The following HNRNPK variants were observed in gnomAD, a reference collection of about 807,000 sequenced individuals.
HNRNPK encodes the protein dC-stretch binding protein.
A neutral mutation model predicts 67.0 loss-of-function variants in HNRNPK; 7 were observed. That is an observed-to-expected ratio of 0.10 (90% CI 0.06 to 0.20). The LOEUF (loss-of-function observed/expected upper bound fraction) is 0.20, where lower values mean the gene tolerates loss of function less well. HNRNPK is among the 10% of genes least tolerant of loss of function. HNRNPK has a pLI of 1.00. For synonymous variants in HNRNPK, 213 were observed against 193.7 expected, an observed-to-expected ratio of 1.10 and a Z score of -0.83; for missense variants, 264 against 606.5, an observed-to-expected ratio of 0.44 and a Z score of 5.93.
chr9:83,973,192 A>T, intron 9 of HNRNPK, 94 bp downstream of exon 9: 1 of 831,602 alleles, frequency 1.2e-6, no homozygotes, highest in Non-Finnish European at 2.0e-6. Flanking sequence ...CTTTGGAGGG[A>T]ACTGAGAGGG....
rs752634284 is a variant in HNRNPK at position 83,971,253 on chromosome 9, G to A, written c.1092+20C>T. On this transcript the variant is annotated intron_variant, in intron 13 of 16. Coordinates refer to ENST00000376263, the MANE Select transcript of HNRNPK (RefSeq NM_031263.4). ...CTTAAATTATCACTGATATACACACGAACAACTATGATACTCAACCTGTGG... is the reference window on the plus strand; with the variant it reads ...CTTAAATTATCACTGATATACACACAAACAACTATGATACTCAACCTGTGG... 79 of 1,501,878 alleles carry A rather than the reference G, an allele frequency of 5.3e-5. No homozygotes were observed. The highest frequency in any genetic ancestry group is 9.6e-5 in the African/African-American group (7 of 72,652). 93.0% of individuals were successfully genotyped at this position (1,501,878 alleles called of 1,614,324 possible).
intron 1 of HNRNPK, among the ~76,000 whole-genome samples, chr9:83,979,690 C>T (rs1198435544): frequency 6.6e-6 from 1 of 152,090 alleles, no homozygotes; most frequent in Non-Finnish European, 1.5e-5. Context: ...CCCCCTCCCC[C>T]ACCCACCACG....
intron 5 of HNRNPK, chr9:83,975,864 T>C (rs1957043328): frequency 4.1e-6 from 1 of 241,526 alleles, no homozygotes; most frequent in Non-Finnish European, 8.2e-6. Flanking sequence ...TGGCTTAACA[T>C]TAAGGACCTC....
rs1205919212 is a variant in HNRNPK, at chr9:83,971,872, A to G, written c.953+10T>C. On this transcript the variant is annotated intron_variant, in intron 11 of 16. Transcript: ENST00000376263. Reference sequence around the variant, plus strand: ...AAGAAAAAACAACAACAACAAAAAAAACAACTTACCCCCCTCTAGGTGGTG... The same window carrying G: ...AAGAAAAAACAACAACAACAAAAAAGACAACTTACCCCCCTCTAGGTGGTG... 6.4e-7 allele frequency: 1 copy of G among 1,555,228 alleles called. No individual in the cohort carries two copies. The highest frequency in any genetic ancestry group is 1.2e-5 in the South Asian group (1 of 81,942).
chr9:83,978,630 G>C (rs575501578), intron 1 of HNRNPK, among the ~76,000 whole-genome samples, 178 bp from the exon 2 acceptor site: 115 of 152,284 alleles, frequency 7.6e-4, no homozygotes, highest in Non-Finnish European at 1.2e-3. Context: ...ATTCAAGGGA[G>C]CCTGGTTTCA....
intron 4 of HNRNPK, among the ~76,000 whole-genome samples, 155 bp downstream of exon 4, chr9:83,977,534 A>G (rs1957126609): frequency 1.3e-5 from 2 of 152,200 alleles, no homozygotes; most frequent in African/African-American, 4.8e-5. Flanking sequence ...TTAGTGGAAT[A>G]AGAAAACCAC....
In HNRNPK at chr9:83,969,097, T is replaced by G; in HGVS notation, c.*310A>C. On this transcript the variant is annotated 3_prime_UTR_variant, in exon 17 of 17. Coordinates refer to ENST00000376263, the MANE Select transcript of HNRNPK (RefSeq NM_031263.4). The stretch of plus-strand genomic sequence containing the variant: ...ACAATAATTACATGGGGGGAATTTT[T>G]TAAACCACCAACAATAACGAAAAAT... The G allele has an allele frequency of 2.0e-6, 1 of 503,826 alleles. No individual in the cohort carries two copies. Among genetic ancestry groups the G allele is most frequent in the Non-Finnish European group, 3.5e-6 (1 of 284,686 alleles). 31.2% of individuals were successfully genotyped at this position (503,826 alleles called of 1,614,324 possible).
chr9:83,979,017 A>G (rs1182669673), intron 1 of HNRNPK, among the ~76,000 whole-genome samples: 1 of 152,230 alleles, frequency 6.6e-6, no homozygotes, highest in Non-Finnish European at 1.5e-5. Context: ...CAGCGAAACA[A>G]ATGGAGCCCT....
intron 1 of HNRNPK, among the ~76,000 whole-genome samples, chr9:83,979,082 CACA>C (rs1438201727): frequency 6.6e-6 from 1 of 152,202 alleles, no homozygotes; most frequent in African/African-American, 2.4e-5. Flanking sequence ...GGGAGTACAA[CACA>C]ACAATCATGC....
At chr9:83,980,590 C>G (rs1452508423), upstream of HNRNPK, 1 of 152,936 alleles carries the variant, frequency 6.5e-6, no homozygotes, top group African/African-American at 2.4e-5. Context: ...GCAGTGCTGT[C>G]GCCTGGAGCG....
intron 7 of HNRNPK, 105 bp downstream of exon 7, chr9:83,974,412 G>A (rs1466941809): frequency 3.5e-6 from 2 of 575,548 alleles, no homozygotes; most frequent in East Asian, 2.9e-5. Flanking sequence ...GCTACAAACT[G>A]TCATATCCAT....
chr9:83,972,234 T>C, intron 10 of HNRNPK, 45 bp from the exon 11 acceptor site: 1 of 1,387,760 alleles, frequency 7.2e-7, no homozygotes, highest in Non-Finnish European at 9.9e-7. Flanking sequence ...AGAAAAAGAG[T>C]CCTGCTTCAT....
rs780740036 is a variant in HNRNPK at position 83,970,352 on chromosome 9, T to C, written c.1192-21A>G. 194 of 1,596,328 alleles carry C rather than the reference T, an allele frequency of 1.2e-4. No individual in the cohort carries two copies. The Middle Eastern group carries it at 1.7e-3, about 14-fold the overall frequency. ...GCCAACTGAAAAGATTTTTTAAAAG[T>C]ATGTGTTTACGATATACTTTTAACA... On this transcript the variant is annotated intron_variant, in intron 15 of 16. Coordinates refer to ENST00000376263, the MANE Select transcript of HNRNPK (RefSeq NM_031263.4).
At position 83,978,470 on chromosome 9, in the gene HNRNPK, A is replaced by C. The variant is rs1161885859; in HGVS notation, c.-107-18T>G. The stretch of plus-strand genomic sequence containing the variant: ...GCAGTAGCCTATAAGAACCAACACA[A>C]ATCAGTTTTGCTTTTGTTTATTCTT... On this transcript the variant is annotated intron_variant, in intron 1 of 16. Coordinates refer to ENST00000376263, the MANE Select transcript of HNRNPK (RefSeq NM_031263.4). 3.4e-6 allele frequency: 3 copies of C among 875,622 alleles called. No homozygotes were observed. Among genetic ancestry groups the C allele is most frequent in the Admixed American group, 8.0e-5 (2 of 25,046 alleles). 54.2% of individuals were successfully genotyped at this position (875,622 alleles called of 1,614,324 possible).
chr9:83,977,958 C>A (rs1173156639), intron 3 of HNRNPK, among the ~76,000 whole-genome samples, 172 bp from the exon 4 acceptor site: 1 of 152,152 alleles, frequency 6.6e-6, no homozygotes, highest in Admixed American at 6.5e-5. Flanking sequence ...ACACAAAATA[C>A]TGCCACAAAA....
intron 3 of HNRNPK, 95 bp downstream of exon 3, chr9:83,978,100 A>G (rs899815324): frequency 2.6e-5 from 21 of 813,094 alleles, no homozygotes; most frequent in Non-Finnish European, 3.5e-5. Flanking sequence ...GTAATACCAA[A>G]AATTCACCAC....
At chr9:83,977,893 C>A (rs967545362) in intron 3 of HNRNPK, 107 bp from the exon 4 acceptor site, 1 of 709,316 alleles carries the variant, frequency 1.4e-6, no homozygotes, top group South Asian at 1.7e-5. Context: ...TTGAAAAGAC[C>A]AAAGGCATTG....
At chr9:83,969,718 T>G in intron 16 of HNRNPK, 1 of 632,608 alleles carries the variant, frequency 1.6e-6, no homozygotes, top group Non-Finnish European at 3.0e-6. Flanking sequence ...AGGTGTGAAA[T>G]GCTGCATTTT....
At chr9:83,978,764 T>C (rs1488372745) in intron 1 of HNRNPK, among the ~76,000 whole-genome samples, 1 of 152,190 alleles carries the variant, frequency 6.6e-6, no homozygotes, top group Non-Finnish European at 1.5e-5. Context: ...AAAGCATACA[T>C]TTATGAAAAG....
Sources: gnomAD v4.1 joint callset for allele counts (sites outside exome capture counted in the v4.1 genomes callset) on GRCh38, gnomAD v4.1.1 for gene constraint, MANE v1.5 for transcripts, NCBI Gene and HGNC (gene_info 2026-07-23, HGNC 2026-07-21) for gene names.